Variants in MYO16 observed in about 807,000 individuals in gnomAD.
MYO16 encodes unconventional myosin-XVI.
MYO16 carries 94 observed loss-of-function variants against 205.3 expected under a neutral mutation model. The ratio of observed to expected loss-of-function variants is 0.46; its 90% confidence interval spans 0.39 to 0.54. The LOEUF is 0.54. MYO16 is among the 20% of genes least tolerant of loss of function. MYO16 has a pLI of 0.00. For missense variants in MYO16, 2,315 were observed against 2,387.5 expected, an observed-to-expected ratio of 0.97 and a Z score of 0.63; for synonymous variants, 988 against 954.0, an observed-to-expected ratio of 1.04 and a Z score of -0.66.
chr13:109,117,737 C>T (rs1875795938), intron 28 of MYO16, among the ~76,000 whole-genome samples: 1 of 152,072 alleles, frequency 6.6e-6, no homozygotes. Context: ...GCAGCAGTTG[C>T]AGAATCTTCC....
intron 6 of MYO16, among the ~76,000 whole-genome samples, chr13:108,795,122 G>A (rs1440365591): frequency 1.3e-5 from 2 of 151,654 alleles, no homozygotes; most frequent in Admixed American, 6.6e-5. Context: ...ATTTATTCTG[G>A]AAGATAAAAT....
chr13:108,611,390 C>A (rs1879167811), intron 1 of MYO16, among the ~76,000 whole-genome samples: 2 of 152,052 alleles, frequency 1.3e-5, no homozygotes, highest in Admixed American at 1.3e-4. Context: ...TAATTTGGAA[C>A]TACTAGAAAA....
chr13:109,048,147 T>C (rs540816740), intron 24 of MYO16, among the ~76,000 whole-genome samples: 14 of 136,772 alleles, frequency 1.0e-4, no homozygotes, highest in African/African-American at 3.0e-4. Context: ...TTCATGTTAA[T>C]AGGATATGTG....
chr13:109,066,711 G>T (rs1206768319), intron 27 of MYO16, among the ~76,000 whole-genome samples: 1 of 152,050 alleles, frequency 6.6e-6, no homozygotes, highest in Admixed American at 6.6e-5. Context: ...CTGCTCAACT[G>T]GGCCTCTCCA....
At chr13:108,909,975 A>G (rs1881179628) in intron 15 of MYO16, 28 bp from the exon 16 acceptor site, 1 of 1,602,104 alleles carries the variant, frequency 6.2e-7, no homozygotes, top group South Asian at 1.1e-5. Flanking sequence ...CTGCCATTTA[A>G]CAGAATCACT....
intron 16 of MYO16, among the ~76,000 whole-genome samples, chr13:108,941,522 C>T (rs1882720514): frequency 6.6e-6 from 1 of 151,670 alleles, no homozygotes; most frequent in African/African-American, 2.4e-5. Flanking sequence ...ACTAAAAATA[C>T]AAAAATTAGC....
At chr13:108,991,876 AT>A (rs959718415) in intron 20 of MYO16, among the ~76,000 whole-genome samples, 60 of 152,360 alleles carry the variant, frequency 3.9e-4, no homozygotes, top group African/African-American at 1.4e-3. Flanking sequence ...ATAGTGTTAC[AT>A]TTTTAATTTA....
chr13:108,636,358 TTTTTTTTTTTTTGTG>T (rs1245818725), intron 1 of MYO16, among the ~76,000 whole-genome samples: 1 of 72,162 alleles, frequency 1.4e-5, no homozygotes, highest in Non-Finnish European at 2.8e-5. Flanking sequence ...TTTTTTTTTT[TTTTTTTTTTTTTGTG>T]TGTGTGTGTG....
chr13:109,140,944 C>G lies in MYO16; in HGVS notation c.4732C>G (p.Pro1578Ala). The G allele has an allele frequency of 6.5e-7, 1 of 1,547,892 alleles. No individual in the cohort carries two copies. Among genetic ancestry groups the G allele is most frequent in the Non-Finnish European group, 8.7e-7 (1 of 1,149,778 alleles). The change falls in exon 32 of 35, where the codon CCC becomes GCC. Residue 1578 changes from proline (P) to alanine (A), a missense_variant. Pro to Ala is a conservative substitution (Grantham distance 27). Transcript: ENST00000457511. This position sits in a 1 kb window ranked among gnomAD's most constrained non-coding sequence, Gnocchi z 8.0. ...QKGDGDRPAS[P>A]GLALFNGSGR... Reference sequence around the variant, plus strand: ...GGGCGACGGCGACAGGCCCGCGTCCCCCGGCCTGGCGCTGTTCAACGGGTC... The same window carrying G: ...GGGCGACGGCGACAGGCCCGCGTCCGCCGGCCTGGCGCTGTTCAACGGGTC...
upstream of MYO16, among the ~76,000 whole-genome samples, chr13:108,594,923 G>T (rs550852956): frequency 6.6e-6 from 1 of 152,322 alleles, no homozygotes; most frequent in Admixed American, 6.5e-5. Context: ...CACAGAGGCT[G>T]AGGGAGAGGA....
At chr13:108,544,120 A>G in the MYO16 span, among the ~76,000 whole-genome samples, 1 of 148,116 alleles carries the variant, frequency 6.8e-6, no homozygotes, top group African/African-American at 2.5e-5. Context: ...TTTTTTATTT[A>G]TATCCCATAC....
intron 22 of MYO16, among the ~76,000 whole-genome samples, chr13:109,011,825 A>G (rs1440287140): frequency 6.6e-6 from 1 of 152,020 alleles, no homozygotes; most frequent in Admixed American, 6.6e-5. Context: ...ATTTTCTTTA[A>G]TAGGAGCAGG....
At chr13:108,506,158 C>T in the MYO16 span, among the ~76,000 whole-genome samples, 4 of 151,978 alleles carry the variant, frequency 2.6e-5, no homozygotes, top group Admixed American at 1.3e-4. Flanking sequence ...CTTTGAGATC[C>T]CATATAAATT....
intron 1 of MYO16, among the ~76,000 whole-genome samples, chr13:108,644,247 G>T (rs2139384934): frequency 6.6e-6 from 1 of 152,268 alleles, no homozygotes; most frequent in South Asian, 2.1e-4. Context: ...TGTCACTTTT[G>T]ATGTCTTCCA....
intron 23 of MYO16, among the ~76,000 whole-genome samples, chr13:109,020,664 C>A (rs1885990195): frequency 6.6e-6 from 1 of 152,074 alleles, no homozygotes; most frequent in African/African-American, 2.4e-5. Context: ...GTTTGTTTAT[C>A]CTCAGTCCAA....
In MYO16 at chr13:109,125,481, G is replaced by A; in HGVS notation, c.3782+123G>A. The A allele has an allele frequency of 2.3e-6, 3 of 1,330,566 alleles. No individual in the cohort carries two copies. Among genetic ancestry groups the A allele is most frequent in the Non-Finnish European group, 1.0e-6 (1 of 973,862 alleles). 82.4% of individuals were successfully genotyped at this position (1,330,566 alleles called of 1,614,324 possible). A position where few individuals can be genotyped will look rare whatever the true frequency, so the allele number is the denominator to read the frequency against. On this transcript the variant is annotated intron_variant, in intron 30 of 34. Coordinates refer to ENST00000457511, the MANE Select transcript of MYO16 (RefSeq NM_001198950.3). The surrounding 1 kb of genome is among the most constrained non-coding windows in gnomAD (Gnocchi z 4.0). ...TGACAGGAGTTGCAGGAACAGGCAT[G>A]CGTGGTTTGTTATTCGAAATGGCAG... is the stretch of plus-strand genomic sequence containing the variant.
intron 3 of MYO16, among the ~76,000 whole-genome samples, chr13:108,727,018 TTAAA>T (rs921435849): frequency 2.0e-5 from 3 of 150,920 alleles, no homozygotes; most frequent in Non-Finnish European, 4.4e-5. Context: ...TTGGATGCCA[TTAAA>T]TAGTTACACT....
intron 4 of MYO16, among the ~76,000 whole-genome samples, chr13:108,771,654 A>G (rs1566596953): frequency 6.6e-6 from 1 of 151,904 alleles, no homozygotes; most frequent in Admixed American, 6.6e-5. Context: ...GTTGATCACC[A>G]CCCGACCCAT....
intron 27 of MYO16, among the ~76,000 whole-genome samples, chr13:109,086,315 G>C (rs879780836): frequency 1.3e-5 from 2 of 152,168 alleles, no homozygotes; most frequent in Admixed American, 1.3e-4. Flanking sequence ...GGTTTCCCCA[G>C]TACCAAGCAC....
Sources: gnomAD v4.1 joint callset for allele counts (sites outside exome capture counted in the v4.1 genomes callset) on GRCh38, gnomAD v4.1.1 for gene constraint, Gnocchi (gnomAD v3.1) non-coding constraint, MANE v1.5 for transcripts, NCBI Gene and HGNC (gene_info 2026-07-23, HGNC 2026-07-21) for gene names.